Variants in GALNT18 observed in about 807,000 individuals in gnomAD.
The protein encoded by GALNT18 is polypeptide N-acetylgalactosaminyltransferase 18.
Under a neutral mutation model 69.5 loss-of-function variants are expected in GALNT18, and 44 were observed. The observed-to-expected ratio is 0.63, with a 90% CI of 0.50 to 0.81. The LOEUF is 0.81. Ranked by LOEUF, GALNT18 falls within the 40% of genes least tolerant of loss-of-function variation. GALNT18 has a pLI of 0.00. For synonymous variants in GALNT18, 364 were observed against 318.2 expected (o/e 1.14, Z -1.53); for missense variants, 715 against 810.0 (o/e 0.88, Z 1.42).
chr11:11,311,323 G>T (rs1849670809), intron 9 of GALNT18, among the ~76,000 whole-genome samples: 1 of 152,188 alleles, frequency 6.6e-6, no homozygotes, highest in African/African-American at 2.4e-5. Context: ...TGCCTTCGGG[G>T]AGGGCACGGT....
chr11:11,349,442 T>C (rs1294025110), intron 6 of GALNT18, among the ~76,000 whole-genome samples: 1 of 152,248 alleles, frequency 6.6e-6, no homozygotes, highest in East Asian at 1.9e-4. Flanking sequence ...CTTCCTATCC[T>C]TGCCAACATT....
chr11:11,413,695 A>G lies in GALNT18; in HGVS notation c.595+18926T>C, dbSNP rs1434106168. On this transcript the variant is annotated intron_variant, in intron 3 of 10. Coordinates refer to ENST00000227756, the MANE Select transcript of GALNT18 (RefSeq NM_198516.3). The surrounding 1 kb of genome is among the most constrained non-coding windows in gnomAD (Gnocchi z 4.7). ...GGGAGTCTGGGAAGTTGACTACTCC[A>G]GGGGTCCAGGCCCTGGTTCTTTGAA... 6.6e-6 allele frequency among the ~76,000 whole-genome samples: 1 copy of G among 152,156 alleles called. No individual in the cohort carries two copies. Among genetic ancestry groups the G allele is most frequent in the Non-Finnish European group, 1.5e-5 (1 of 68,010 alleles).
At position 11,586,184 on chromosome 11, in the gene GALNT18, G is replaced by A. The variant is rs1859220235; in HGVS notation, c.235+35175C>T. 6.6e-6 allele frequency among the ~76,000 whole-genome samples: 1 copy of A among 152,092 alleles called. No homozygotes were observed. Among genetic ancestry groups the A allele is most frequent in the South Asian group, 2.1e-4 (1 of 4,822 alleles). On this transcript the variant is annotated intron_variant, in intron 1 of 10. Transcript: ENST00000227756. The surrounding 1 kb of genome is among the most constrained non-coding windows in gnomAD (Gnocchi z 4.1). ...ATGCCATCTAGGGTATTTTATTATA[G>A]CAGTCTGAATGGACTAAAACAAATT...
intron 1 of GALNT18, among the ~76,000 whole-genome samples, chr11:11,572,023 G>C (rs775728201): frequency 1.8e-4 from 27 of 152,194 alleles, no homozygotes; most frequent in Non-Finnish European, 3.5e-4. Flanking sequence ...AGATTTCCAG[G>C]CTCCCCCACT....
rs1850183131 is a variant in GALNT18, at chr11:11,340,422, G to C, written c.1278+397C>G. ...TGGAGAAGTTTGAACCTAATCTGTA[G>C]GAAGATTAAGATGCTTTTTGTAAAT... On this transcript the variant is annotated intron_variant, in intron 7 of 10. Coordinates refer to ENST00000227756, the MANE Select transcript of GALNT18 (RefSeq NM_198516.3). This position sits in a 1 kb window ranked among gnomAD's most constrained non-coding sequence, Gnocchi z 4.2. 6.6e-6 allele frequency among the ~76,000 whole-genome samples: 1 copy of C among 152,146 alleles called. No individual in the cohort carries two copies. The highest frequency in any genetic ancestry group is 2.4e-5 in the African/African-American group (1 of 41,420).
At chr11:11,296,743 T>C (rs1849408780) in intron 9 of GALNT18, among the ~76,000 whole-genome samples, 1 of 152,042 alleles carries the variant, frequency 6.6e-6, no homozygotes, top group African/African-American at 2.4e-5. Context: ...TCTGGGAAAA[T>C]CATAATGGGG....
Position 11,372,636 on chromosome 11 carries a change from G to C in GALNT18, c.978-7C>G. The C allele has an allele frequency of 3.1e-6, 5 of 1,611,806 alleles. No individual in the cohort carries two copies. The highest frequency in any genetic ancestry group is 3.4e-6 in the Non-Finnish European group (4 of 1,178,132). ...GCCAATGAGGGCAGGGCTCCTGCAG[G>C]GGCAGGGGAGAGCAGAAGGGCTGTC... On this transcript the variant is annotated splice_region_variant and splice_polypyrimidine_tract_variant and intron_variant, in intron 5 of 10. Transcript: ENST00000227756. The surrounding 1 kb of genome is among the most constrained non-coding windows in gnomAD (Gnocchi z 4.9).
intron 9 of GALNT18, among the ~76,000 whole-genome samples, chr11:11,312,358 T>G (rs1193085308): frequency 6.6e-6 from 1 of 152,216 alleles, no homozygotes; most frequent in Non-Finnish European, 1.5e-5. Context: ...TTTATGTGTA[T>G]TATATACTGA....
At chr11:11,495,484 G>A (rs960630573) in intron 1 of GALNT18, among the ~76,000 whole-genome samples, 1 of 152,184 alleles carries the variant, frequency 6.6e-6, no homozygotes, top group Non-Finnish European at 1.5e-5. Flanking sequence ...TGGTCCTCCA[G>A]AGGAAACCAA....
At chr11:11,399,903 T>C (rs1226387795) in intron 3 of GALNT18, among the ~76,000 whole-genome samples, 2 of 152,250 alleles carry the variant, frequency 1.3e-5, no homozygotes, top group Non-Finnish European at 2.9e-5. Flanking sequence ...ATAAAGATTT[T>C]ACATGCATTA....
rs1849713202 is a variant in GALNT18, at chr11:11,314,125, A to G, written c.1512+12961T>C. Among the ~76,000 whole-genome samples the G allele has an allele frequency of 6.6e-6, 1 of 152,114 alleles. No homozygotes were observed. Among genetic ancestry groups the G allele is most frequent in the South Asian group, 2.1e-4 (1 of 4,824 alleles). ...AGCTCCTCTGTCACTGGGTTTGGTG[A>G]CCTGTCCCCAAGGCCAGAGAGGCCT... On this transcript the variant is annotated intron_variant, in intron 9 of 10. Transcript: ENST00000227756. This position sits in a 1 kb window ranked among gnomAD's most constrained non-coding sequence, Gnocchi z 5.2.
At position 11,338,914 on chromosome 11, in the gene GALNT18, C is replaced by T. The variant is rs909021017; in HGVS notation, c.1278+1905G>A. 3.9e-5 allele frequency among the ~76,000 whole-genome samples: 6 copies of T among 151,982 alleles called. No homozygotes were observed. Among genetic ancestry groups the T allele is most frequent in the African/African-American group, 1.5e-4 (6 of 41,364 alleles). The stretch of plus-strand genomic sequence containing the variant: ...ATTCCAGGGTGTGGAATCATGGACC[C>T]AAGGAGCTACAGAGATTCAAGGAAA... On this transcript the variant is annotated intron_variant, in intron 7 of 10. Transcript: ENST00000227756. The surrounding 1 kb of genome is among the most constrained non-coding windows in gnomAD (Gnocchi z 5.3).
At chr11:11,486,345 A>G (rs1329695055) in intron 1 of GALNT18, among the ~76,000 whole-genome samples, 2 of 152,202 alleles carry the variant, frequency 1.3e-5, no homozygotes, top group African/African-American at 4.8e-5. Context: ...ATAAAACAAA[A>G]GGAATATTGG....
Position 11,314,107 on chromosome 11 carries a change from C to T in GALNT18, c.1512+12979G>A, listed in dbSNP as rs1564891552. ...AAGGCGGGATCTAAAATTAGCTCCT[C>T]TGTCACTGGGTTTGGTGACCTGTCC... On this transcript the variant is annotated intron_variant, in intron 9 of 10. Transcript: ENST00000227756. This position sits in a 1 kb window ranked among gnomAD's most constrained non-coding sequence, Gnocchi z 5.2. Among the ~76,000 whole-genome samples the T allele has an allele frequency of 6.6e-6, 1 of 152,164 alleles. No homozygotes were observed. The highest frequency in any genetic ancestry group is 6.5e-5 in the Admixed American group (1 of 15,274).
intron 1 of GALNT18, among the ~76,000 whole-genome samples, chr11:11,468,798 G>A (rs1487183736): frequency 6.6e-6 from 1 of 152,192 alleles, no homozygotes; most frequent in Non-Finnish European, 1.5e-5. Context: ...TCACTGAAGG[G>A]GGTGTGGCAG....
At chr11:11,293,557 T>TTTG (rs1849345948) in intron 9 of GALNT18, among the ~76,000 whole-genome samples, 1 of 142,858 alleles carries the variant, frequency 7.0e-6, no homozygotes, top group Non-Finnish European at 1.5e-5. Flanking sequence ...TTTTTTTTTT[T>TTTG]GGAGACAGAG....
At chr11:11,295,359 A>T (rs1023276938) in intron 9 of GALNT18, among the ~76,000 whole-genome samples, 1 of 152,234 alleles carries the variant, frequency 6.6e-6, no homozygotes, top group Non-Finnish European at 1.5e-5. Context: ...CACAAGGGAT[A>T]GGATGATTCC....
chr11:11,295,560 T>C (rs1849384993), intron 9 of GALNT18, among the ~76,000 whole-genome samples: 1 of 152,110 alleles, frequency 6.6e-6, no homozygotes. Flanking sequence ...TCATGCTAGG[T>C]CAGGCCACTG....
At chr11:11,612,686 T>A (rs778283154) in intron 1 of GALNT18, among the ~76,000 whole-genome samples, 1 of 152,224 alleles carries the variant, frequency 6.6e-6, no homozygotes, top group Admixed American at 6.5e-5. Context: ...CTTGTTAAGA[T>A]GCAGCACTCA....
Sources: allele counts gnomAD v4.1 joint callset (sites outside exome capture counted in the v4.1 genomes callset), GRCh38; gene constraint gnomAD v4.1.1; non-coding constraint Gnocchi (gnomAD v3.1); transcripts MANE v1.5; gene names NCBI Gene and HGNC (gene_info 2026-07-23, HGNC 2026-07-21).